KLHL36: variants seen among roughly 807,000 people sequenced by gnomAD.
KLHL36 encodes the protein kelch-like protein 36.
In KLHL36, 35 loss-of-function variants were observed where a neutral mutation model predicts 53.3. That is an observed-to-expected ratio of 0.66 (90% CI 0.50 to 0.87). KLHL36 has a LOEUF of 0.87. Ranked by LOEUF, KLHL36 falls within the 40% of genes least tolerant of loss-of-function variation. The pLI, the probability that KLHL36 is intolerant of heterozygous loss-of-function variation, is 0.00. For missense variants in KLHL36, 864 were observed against 897.6 expected, an observed-to-expected ratio of 0.96 and a Z score of 0.48; for synonymous variants, 472 against 398.9, an observed-to-expected ratio of 1.18 and a Z score of -2.18.
chr16:84,658,889 C>T (rs1907379989), intron 3 of KLHL36: 1 of 152,152 alleles, frequency 6.6e-6, no homozygotes. Flanking sequence ...GAAGTGTCAC[C>T]ACTGGAAAGG....
At chr16:84,650,818 G>T (rs749165283) in intron 1 of KLHL36, 34 bp from the exon 2 acceptor site, 4 of 1,481,644 alleles carry the variant, frequency 2.7e-6, no homozygotes, top group South Asian at 2.3e-5. Flanking sequence ...CTAGAGTTAT[G>T]ACTGCATGCT....
intron 2 of KLHL36, among the ~76,000 whole-genome samples, chr16:84,652,161 A>C (rs961002272): frequency 2.6e-5 from 4 of 152,174 alleles, no homozygotes; most frequent in East Asian, 3.8e-4. Flanking sequence ...GCTGCTTTCT[A>C]AGTTTGACAG....
At chr16:84,650,098 C>G (rs1906759929) in intron 1 of KLHL36, among the ~76,000 whole-genome samples, 1 of 152,078 alleles carries the variant, frequency 6.6e-6, no homozygotes, top group Non-Finnish European at 1.5e-5. Flanking sequence ...CTGCCAGTTC[C>G]CAGCTGTGTG....
intron 2 of KLHL36, among the ~76,000 whole-genome samples, chr16:84,651,844 AAAAT>A (rs1301792858): frequency 6.6e-6 from 1 of 152,216 alleles, no homozygotes; most frequent in Non-Finnish European, 1.5e-5. Context: ...ATTAGGGAAA[AAAAT>A]CTTAAAAGCC....
At chr16:84,653,253 TC>T (rs1907007338) in intron 2 of KLHL36, among the ~76,000 whole-genome samples, 1 of 152,070 alleles carries the variant, frequency 6.6e-6, no homozygotes, top group African/African-American at 2.4e-5. Context: ...GATGCTAAAT[TC>T]TTTTTCCACG....
Position 84,663,250 on chromosome 16 carries a change from C to CGCTTA in KLHL36, c.*1120_*1124dup, listed in dbSNP as rs964136030. The stretch of plus-strand genomic sequence containing the variant: ...AGTCCGTGTGTTCCCTCATCCACCC[C>CGCTTA]GCTTAGCCACAGGATTAGATGGAAT... On this transcript the variant is annotated 3_prime_UTR_variant, in exon 5 of 5. Transcript: ENST00000564996. 6.6e-6 allele frequency: 1 copy of CGCTTA among 152,244 alleles called. No individual in the cohort carries two copies. The highest frequency in any genetic ancestry group is 2.4e-5 in the African/African-American group (1 of 41,446). The allele number at this position is 152,244 out of a possible 1,614,324, so 9.4% of individuals were successfully genotyped here.
At position 84,661,523 on chromosome 16, in the gene KLHL36, G is replaced by A; in HGVS notation, c.1296-55G>A. The A allele has an allele frequency of 6.6e-7, 1 of 1,512,786 alleles. No homozygotes were observed. 93.7% of individuals were successfully genotyped at this position (1,512,786 alleles called of 1,614,324 possible). ...CAGGCTGTTCCCCGGCTCGGAGGGGGTAAGCCTGGCACAGCCCTGAGCTCT... is the reference window on the plus strand; with the variant it reads ...CAGGCTGTTCCCCGGCTCGGAGGGGATAAGCCTGGCACAGCCCTGAGCTCT... On this transcript the variant is annotated intron_variant, in intron 4 of 4. Coordinates refer to ENST00000564996, the MANE Select transcript of KLHL36 (RefSeq NM_024731.4). The surrounding 1 kb of genome is among the most constrained non-coding windows in gnomAD (Gnocchi z 7.9).
At chr16:84,650,488 A>G (rs1906797466) in intron 1 of KLHL36, among the ~76,000 whole-genome samples, 1 of 152,152 alleles carries the variant, frequency 6.6e-6, no homozygotes, top group Admixed American at 6.5e-5. Context: ...TGGGGGTTAA[A>G]TGAGATGGCA....
chr16:84,658,919 C>T (rs367852270), intron 3 of KLHL36: 13 of 152,284 alleles, frequency 8.5e-5, no homozygotes, highest in African/African-American at 2.6e-4. Context: ...TTTGGAGCCT[C>T]CTCCCGAAGC....
rs1374382424 is a variant in KLHL36, at chr16:84,661,124, C to T, written c.1296-454C>T. ...CCTCTCCCCACAGTCCTGGCAGCCA[C>T]TGATTTTGCTGTCTCTATGGTTTTA... On this transcript the variant is annotated intron_variant, in intron 4 of 4. Transcript: ENST00000564996. This position sits in a 1 kb window ranked among gnomAD's most constrained non-coding sequence, Gnocchi z 7.9. 6.6e-6 allele frequency among the ~76,000 whole-genome samples: 1 copy of T among 152,226 alleles called. No homozygotes were observed. Among genetic ancestry groups the T allele is most frequent in the Non-Finnish European group, 1.5e-5 (1 of 68,046 alleles).
At chr16:84,660,632 G>A (rs554453451) in intron 4 of KLHL36, among the ~76,000 whole-genome samples, 9 of 152,184 alleles carry the variant, frequency 5.9e-5, no homozygotes, top group African/African-American at 1.9e-4. Context: ...TCGTATTTTT[G>A]TTTTTCTGAG....
At position 84,657,309 on chromosome 16, in the gene KLHL36, G is replaced by A. The variant is rs1346046854; in HGVS notation, c.502G>A (p.Asp168Asn). 3.1e-6 allele frequency: 5 copies of A among 1,613,704 alleles called. No individual in the cohort carries two copies. Among genetic ancestry groups the A allele is most frequent in the Non-Finnish European group, 3.4e-6 (4 of 1,180,042 alleles). The change falls in exon 3 of 5, where the codon GAT becomes AAT. Residue 168 changes from aspartate to asparagine, a missense_variant. Transcript: ENST00000564996. ...YSLKRLDAFI[D>N]GFILNHFGTL... ...CCTCAAGCGGCTTGATGCCTTCATC[G>A]ATGGCTTCATCCTGAACCACTTCGG...
chr16:84,656,122 T>C (rs1172606918), intron 2 of KLHL36, among the ~76,000 whole-genome samples: 1 of 152,130 alleles, frequency 6.6e-6, no homozygotes, highest in African/African-American at 2.4e-5. Context: ...TCGAACTTCC[T>C]GGCCTCAAGT....
intron 2 of KLHL36, among the ~76,000 whole-genome samples, chr16:84,656,280 G>GT (rs1483507469): frequency 2.0e-5 from 3 of 146,782 alleles, no homozygotes; most frequent in Non-Finnish European, 4.5e-5. Context: ...TTTGTTTTTT[G>GT]TTTTTTGAGA....
At chr16:84,654,792 T>C (rs996518914) in intron 2 of KLHL36, among the ~76,000 whole-genome samples, 1 of 152,156 alleles carries the variant, frequency 6.6e-6, no homozygotes, top group Admixed American at 6.5e-5. Context: ...GTATTTTTAC[T>C]AGAGACGGGG....
Position 84,661,788 on chromosome 16 carries a change from T to C in KLHL36, c.1506T>C (p.Asp502=). 1 of 1,612,404 alleles carries C rather than the reference T, an allele frequency of 6.2e-7. No individual in the cohort carries two copies. The highest frequency in any genetic ancestry group is 1.7e-5 in the Admixed American group (1 of 59,984). The change falls in exon 5 of 5, where the codon GAT becomes GAC. Residue 502 remains aspartate, a synonymous_variant. Coordinates refer to ENST00000564996, the MANE Select transcript of KLHL36 (RefSeq NM_024731.4). The surrounding 1 kb of genome is among the most constrained non-coding windows in gnomAD (Gnocchi z 7.9). ...GDSIYSIGGS[D]DNIESMERFD... is the part of the protein sequence containing the mutation. ...GCATCTACTCCATCGGGGGCAGCGA[T>C]GACAACATCGAGTCCATGGAGCGCT...
rs755921284 is a variant in KLHL36, at chr16:84,666,426, C to T, written c.*4293C>T. 6.6e-6 allele frequency: 1 copy of T among 152,106 alleles called. No homozygotes were observed. Among genetic ancestry groups the T allele is most frequent in the African/African-American group, 2.4e-5 (1 of 41,384 alleles). 9.4% of individuals were successfully genotyped at this position (152,106 alleles called of 1,614,324 possible). A position where few individuals can be genotyped will look rare whatever the true frequency, so the allele number is the denominator to read the frequency against. ...GCCCGTGGGTATGACTGTCTCAGGC[C>T]CCCAGCTCATTTGCCAAGAGGAAAC... On this transcript the variant is annotated 3_prime_UTR_variant, in exon 5 of 5. Transcript: ENST00000564996.
At position 84,661,902 on chromosome 16, in the gene KLHL36, C is replaced by T; in HGVS notation, c.1620C>T (p.Gly540=). The change falls in exon 5 of 5, where the codon GGC becomes GGT. Residue 540 remains glycine, a synonymous_variant. Coordinates refer to ENST00000564996, the MANE Select transcript of KLHL36 (RefSeq NM_024731.4). This position sits in a 1 kb window ranked among gnomAD's most constrained non-coding sequence, Gnocchi z 7.9. ...TGCTGCACGCCAACAGCGAGTCGGG[C>T]GTGGCAGTGTGGGAGGGCCGCATCT... is the stretch of plus-strand genomic sequence containing the variant. ...APLLHANSES[G]VAVWEGRIYI... The T allele has an allele frequency of 3.8e-6, 6 of 1,599,472 alleles. No homozygotes were observed. The highest frequency in any genetic ancestry group is 1.1e-5 in the South Asian group (1 of 90,304).
Position 84,662,135 on chromosome 16 carries a change from C to A in KLHL36, c.*2C>A. On this transcript the variant is annotated 3_prime_UTR_variant, in exon 5 of 5. Coordinates refer to ENST00000564996, the MANE Select transcript of KLHL36 (RefSeq NM_024731.4). ...AGGCACCAGGACCGGGGCCAGTGACCCTAGCTGCGCCTCTTGGGACCATCC... is the reference window on the plus strand; with the variant it reads ...AGGCACCAGGACCGGGGCCAGTGACACTAGCTGCGCCTCTTGGGACCATCC... 1 of 1,516,778 alleles carries A rather than the reference C, an allele frequency of 6.6e-7. No individual in the cohort carries two copies. Among genetic ancestry groups the A allele is most frequent in the Admixed American group, 2.0e-5 (1 of 50,252 alleles). The allele number at this position is 1,516,778 out of a possible 1,614,324, so 94.0% of individuals were successfully genotyped here.
Sources: gnomAD v4.1 joint callset for allele counts (sites outside exome capture counted in the v4.1 genomes callset) on GRCh38, gnomAD v4.1.1 for gene constraint, Gnocchi (gnomAD v3.1) non-coding constraint, MANE v1.5 for transcripts, NCBI Gene and HGNC (gene_info 2026-07-23, HGNC 2026-07-21) for gene names.